The following XPO5 variants were observed in gnomAD, a reference collection of about 807,000 sequenced individuals.
The protein encoded by XPO5 is exportin 5.
A neutral mutation model predicts 160.6 loss-of-function variants in XPO5; 46 were observed. That is an observed-to-expected ratio of 0.29 (90% confidence interval 0.23 to 0.37). XPO5 has a LOEUF of 0.37. XPO5 is among the 10% of genes least tolerant of loss of function. The pLI is 1.00. For synonymous variants in XPO5, 537 were observed against 519.3 expected, an observed-to-expected ratio of 1.03 and a Z score of -0.46; for missense variants, 1,090 against 1,463.9, an observed-to-expected ratio of 0.74 and a Z score of 4.17.
intron 20 of XPO5, chr6:43,539,731 A>AT: frequency 1.6e-6 from 1 of 618,020 alleles, no homozygotes; most frequent in South Asian, 2.0e-5. Flanking sequence ...AAGAAGCTAC[A>AT]TTTTTCTATT....
Position 43,522,675 on chromosome 6 carries a change from A to G in XPO5, c.*1193T>C, listed in dbSNP as rs1793266460. The G allele has an allele frequency of 2.1e-6, 1 of 480,776 alleles. No individual in the cohort carries two copies. Among genetic ancestry groups the G allele is most frequent in the African/African-American group, 2.0e-5 (1 of 50,592 alleles). The allele number at this position is 480,776 out of a possible 1,614,324, so 29.8% of individuals were successfully genotyped here. ...TGCCTGTGGCCCGCACCAGCTAAAA[A>G]CTGTAGCTTCAGTCCACTTCGGCTC... On this transcript the variant is annotated 3_prime_UTR_variant, in exon 32 of 32. Coordinates refer to ENST00000265351, the MANE Select transcript of XPO5 (RefSeq NM_020750.3).
intron 26 of XPO5, chr6:43,527,358 G>A (rs1793661145): frequency 2.6e-5 from 7 of 273,136 alleles, no homozygotes; most frequent in Non-Finnish European, 3.5e-5. Flanking sequence ...TGCAGCCTCC[G>A]CCTCCCGGGT....
At chr6:43,536,758 T>TAAAAAA (rs1156884252) in intron 20 of XPO5, among the ~76,000 whole-genome samples, 411 of 19,106 alleles carry the variant, frequency 0.022, 63 homozygotes, top group African/African-American at 0.094. Context: ...AGACTCTATC[T>TAAAAAA]AAAAAAAAAA....
chr6:43,541,594 C>G (rs1794692240), intron 20 of XPO5, among the ~76,000 whole-genome samples: 1 of 152,236 alleles, frequency 6.6e-6, no homozygotes, highest in Non-Finnish European at 1.5e-5. Context: ...ACACTTTCTT[C>G]TCCTCTCCAA....
intron 6 of XPO5, 86 bp downstream of exon 6, chr6:43,568,625 G>A: frequency 8.2e-7 from 1 of 1,214,756 alleles, no homozygotes; most frequent in Admixed American, 2.5e-5. Context: ...ACACAAGCAA[G>A]GCTGAGGTCA....
intron 5 of XPO5, among the ~76,000 whole-genome samples, chr6:43,570,047 C>T (rs1305887182): frequency 1.5e-5 from 2 of 134,582 alleles, no homozygotes; most frequent in African/African-American, 5.7e-5. Flanking sequence ...GGCCAGGTGC[C>T]GTGGCTCACA....
chr6:43,545,408 T>G (rs1330401884), intron 20 of XPO5, among the ~76,000 whole-genome samples: 1 of 151,976 alleles, frequency 6.6e-6, no homozygotes, highest in Non-Finnish European at 1.5e-5. Context: ...ACAATGTAAT[T>G]TAAACATCCT....
intron 17 of XPO5, among the ~76,000 whole-genome samples, chr6:43,549,143 C>T (rs1183306831): frequency 6.6e-6 from 1 of 152,158 alleles, no homozygotes; most frequent in Non-Finnish European, 1.5e-5. Flanking sequence ...CTCACTGCAA[C>T]CTCCGCCTCC....
intron 20 of XPO5, among the ~76,000 whole-genome samples, chr6:43,543,016 C>A (rs1794781111): frequency 6.6e-6 from 1 of 152,060 alleles, no homozygotes; most frequent in African/African-American, 2.4e-5. Flanking sequence ...AAGTATCATA[C>A]AAGCAAGGAG....
chr6:43,530,586 TC>T, intron 23 of XPO5, 101 bp downstream of exon 23: 1 of 1,364,670 alleles, frequency 7.3e-7, no homozygotes, highest in East Asian at 2.3e-5. Context: ...TCTCATCTCT[TC>T]CTTCCAGTTC....
At chr6:43,563,929 T>C (rs1762549317) in intron 8 of XPO5, among the ~76,000 whole-genome samples, 1 of 152,102 alleles carries the variant, frequency 6.6e-6, no homozygotes. Flanking sequence ...ACTAAACTTA[T>C]TTATTTATTT....
chr6:43,567,247 C>T lies in XPO5; in HGVS notation c.756G>A (p.Glu252=). 1.2e-6 allele frequency: 2 copies of T among 1,614,020 alleles called. No homozygotes were observed. The highest frequency in any genetic ancestry group is 1.7e-6 in the Non-Finnish European group (2 of 1,179,884). ...HITAENCKLL[E]ILCLLLNEQE... Reference sequence around the variant, plus strand: ...GTTCATTCAACAGCAAACACAGTATCTCCAGGAGTTTACAGTTTTCAGCAG... The same window carrying T: ...GTTCATTCAACAGCAAACACAGTATTTCCAGGAGTTTACAGTTTTCAGCAG... The change falls in exon 7 of 32, where the codon GAG becomes GAA. Residue 252 remains glutamate, a synonymous_variant. Coordinates refer to ENST00000265351, the MANE Select transcript of XPO5 (RefSeq NM_020750.3).
intron 31 of XPO5, 34 bp downstream of exon 31, chr6:43,524,437 G>C (rs377465895): frequency 1.2e-6 from 2 of 1,603,660 alleles, no homozygotes; most frequent in Non-Finnish European, 1.7e-6. Context: ...TTTAAGAAGG[G>C]GGTTGGGAGC....
At chr6:43,528,678 C>A in intron 24 of XPO5, 150 bp downstream of exon 24, 1 of 727,602 alleles carries the variant, frequency 1.4e-6, no homozygotes, top group South Asian at 1.7e-5. Flanking sequence ...GATCCTACAG[C>A]AAGGATAGTC....
chr6:43,539,304 T>C lies in XPO5; in HGVS notation c.2343-5297A>G, dbSNP rs1326810728. ...TTAACACCCAGACCGACGTGGCCAC[T>C]GTAGTCCCCGATAGCAACAAACGCC... On this transcript the variant is annotated intron_variant, in intron 20 of 31. Transcript: ENST00000265351. 4 of 1,554,960 alleles carry C rather than the reference T, an allele frequency of 2.6e-6. No individual in the cohort carries two copies. In the African/African-American group the frequency reaches 4.1e-5, roughly 16 times the overall value.
At chr6:43,537,356 T>C (rs558566017) in intron 20 of XPO5, among the ~76,000 whole-genome samples, 2 of 152,180 alleles carry the variant, frequency 1.3e-5, no homozygotes, top group African/African-American at 2.4e-5. Flanking sequence ...ACCTTTACTA[T>C]TGTGTTGAAC....
chr6:43,527,638 T>G lies in XPO5; in HGVS notation c.2916A>C (p.Leu972=). ...VRMLTREVMD[L]ITVCCVSKKG... ...CAGTTTCGACATGCCACTTACTGAT[T>G]AGGTCCATGACTTCTCGGGTTAACA... Residue 972 remains leucine (L), a synonymous_variant, in exon 26 of 32, where the codon CTA becomes CTC. Transcript: ENST00000265351. 6.2e-7 allele frequency: 1 copy of G among 1,613,924 alleles called. No individual in the cohort carries two copies. Among genetic ancestry groups the G allele is most frequent in the East Asian group, 2.2e-5 (1 of 44,874 alleles).
intron 13 of XPO5, among the ~76,000 whole-genome samples, chr6:43,554,374 C>T (rs543605221): frequency 3.3e-5 from 5 of 151,414 alleles, no homozygotes; most frequent in Non-Finnish European, 7.4e-5. Context: ...GCCTCCCAAA[C>T]TGCTGGGATT....
At chr6:43,574,321 A>G (rs1763176658) in intron 1 of XPO5, among the ~76,000 whole-genome samples, 1 of 151,938 alleles carries the variant, frequency 6.6e-6, no homozygotes, top group South Asian at 2.1e-4. Context: ...ACTCCAACCT[A>G]AGCTATATGT....
Sources: allele counts gnomAD v4.1 joint callset (sites outside exome capture counted in the v4.1 genomes callset), GRCh38; gene constraint gnomAD v4.1.1; transcripts MANE v1.5; gene names NCBI Gene and HGNC (gene_info 2026-07-23, HGNC 2026-07-21).